SORCS2: variants seen among roughly 807,000 people sequenced by gnomAD.
SORCS2 encodes the protein sortilin related VPS10 domain containing receptor 2.
In SORCS2, 100 loss-of-function variants were observed where a neutral mutation model predicts 141.6. That is an observed-to-expected ratio of 0.71 (90% CI 0.60 to 0.83). The LOEUF is 0.83. Among genes scored for constraint, SORCS2 ranks in the 40% least tolerant of loss-of-function variants. The pLI is 0.00. For missense variants in SORCS2, 1,646 were observed against 1,560.2 expected (o/e 1.05, Z -0.93); for synonymous variants, 789 against 676.9 (o/e 1.17, Z -2.57).
At position 7,434,688 on chromosome 4, in the gene SORCS2, G is replaced by A. The variant is rs202190989; in HGVS notation, c.548+38333G>A. On this transcript the variant is annotated intron_variant, in intron 2 of 26. Transcript: ENST00000507866. ...CGGCTGCTATGTCCTGGCATACGTC[G>A]CAGGGCAGAGACTTCGCGGTGGGTT... 1.6e-3 allele frequency: 2,635 copies of A among 1,612,774 alleles called. 3 individuals carry two copies. Among genetic ancestry groups the A allele is most frequent in the Non-Finnish European group, 2.0e-3 (2,378 of 1,179,492 alleles).
At chr4:7,229,870 G>A (rs1210437294) in intron 1 of SORCS2, among the ~76,000 whole-genome samples, 3 of 150,084 alleles carry the variant, frequency 2.0e-5, no homozygotes, top group African/African-American at 7.5e-5. Context: ...GAGTGTCTGG[G>A]CAGGAGCAGT....
At chr4:7,484,946 T>G (rs1360857406) in intron 2 of SORCS2, among the ~76,000 whole-genome samples, 1 of 122,196 alleles carries the variant, frequency 8.2e-6, no homozygotes, top group Non-Finnish European at 1.7e-5. Flanking sequence ...TTTCATTTAT[T>G]TGCACCCCTG....
intron 2 of SORCS2, among the ~76,000 whole-genome samples, chr4:7,468,340 C>G (rs900434046): frequency 1.3e-5 from 2 of 152,242 alleles, no homozygotes; most frequent in Admixed American, 6.5e-5. Flanking sequence ...GTATGCATGG[C>G]TGTCACTCAG....
At chr4:7,638,209 A>T in intron 3 of SORCS2, 119 bp from the exon 4 acceptor site, 1 of 1,284,742 alleles carries the variant, frequency 7.8e-7, no homozygotes, top group Non-Finnish European at 1.1e-6. Context: ...CCCAGGCCTC[A>T]CAACCCCCTT....
intron 1 of SORCS2, among the ~76,000 whole-genome samples, chr4:7,291,893 G>T (rs983764001): frequency 2.0e-5 from 3 of 152,216 alleles, no homozygotes; most frequent in South Asian, 2.1e-4. Context: ...AGTGGGACAA[G>T]CCCCTCAACC....
intron 2 of SORCS2, among the ~76,000 whole-genome samples, chr4:7,471,250 G>A (rs1021565053): frequency 6.6e-6 from 1 of 152,216 alleles, no homozygotes; most frequent in Admixed American, 6.5e-5. Context: ...CCTGCCTCGC[G>A]CAATGCCATC....
In SORCS2 at chr4:7,729,642, C is replaced by G; in HGVS notation, c.3038C>G (p.Thr1013Ser). Residue 1013 changes from threonine (T) to serine (S), a missense_variant, in exon 23 of 27, where the codon ACT becomes AGT. Transcript: ENST00000507866. Reference protein sequence around the residue: ...LVTVVKPGLPTLADLYVLLPP... With the variant: ...LVTVVKPGLPSLADLYVLLPP... ...ACTGTGGTGAAGCCGGGGCTGCCCA[C>G]TTTGGCCGATCTGTACGTGCTCCTG... The G allele has an allele frequency of 6.2e-7, 1 of 1,601,652 alleles. No individual in the cohort carries two copies. The highest frequency in any genetic ancestry group is 8.5e-7 in the Non-Finnish European group (1 of 1,174,350).
At chr4:7,464,144 T>C (rs1399652811) in intron 2 of SORCS2, among the ~76,000 whole-genome samples, 2 of 152,132 alleles carry the variant, frequency 1.3e-5, no homozygotes, top group Non-Finnish European at 2.9e-5. Context: ...AACTTTCCAC[T>C]GTAGAGGAAC....
At chr4:7,198,041 G>A (rs1577264985) in intron 1 of SORCS2, among the ~76,000 whole-genome samples, 1 of 152,338 alleles carries the variant, frequency 6.6e-6, no homozygotes, top group East Asian at 1.9e-4. Flanking sequence ...CAGCCCTGGA[G>A]GCACTGTGGG....
At chr4:7,503,181 G>A (rs889180164) in intron 2 of SORCS2, among the ~76,000 whole-genome samples, 9 of 152,090 alleles carry the variant, frequency 5.9e-5, no homozygotes, top group African/African-American at 2.2e-4. Context: ...CCCCAAACAT[G>A]GAAAATTCTC....
chr4:7,727,363 C>T (rs1205616740), intron 21 of SORCS2, among the ~76,000 whole-genome samples: 2 of 152,218 alleles, frequency 1.3e-5, no homozygotes, highest in African/African-American at 4.8e-5. Flanking sequence ...TCTGTGCTCA[C>T]TGGGGGCTCT....
chr4:7,706,485 A>AGATGAGGCTGGGCTCCACCTGGGCAGG (rs1560499051), intron 14 of SORCS2, among the ~76,000 whole-genome samples: 1 of 30,576 alleles, frequency 3.3e-5, no homozygotes, highest in African/African-American at 1.3e-4. Context: ...GCCTGGACAG[A>AGATGAGGCTGGGCTCCACCTGGGCAGG]GATGAGGCTG....
chr4:7,609,290 T>C (rs1031391175), intron 3 of SORCS2, among the ~76,000 whole-genome samples: 1 of 152,234 alleles, frequency 6.6e-6, no homozygotes, highest in East Asian at 1.9e-4. Flanking sequence ...AATCTTTCAG[T>C]GCCTTACATA....
intron 1 of SORCS2, among the ~76,000 whole-genome samples, chr4:7,224,630 A>G (rs1201857280): frequency 6.6e-6 from 1 of 152,214 alleles, no homozygotes; most frequent in African/African-American, 2.4e-5. Context: ...GCACTAAACC[A>G]TTCATGAGAA....
intron 8 of SORCS2, among the ~76,000 whole-genome samples, chr4:7,674,709 C>T (rs1013034049): frequency 3.9e-5 from 6 of 152,008 alleles, no homozygotes; most frequent in Admixed American, 2.0e-4. Flanking sequence ...GAGTCCAGCC[C>T]GACCCTGAGC....
intron 1 of SORCS2, among the ~76,000 whole-genome samples, chr4:7,370,666 CG>C (rs1722192188): frequency 6.6e-6 from 1 of 152,198 alleles, no homozygotes; most frequent in South Asian, 2.1e-4. Flanking sequence ...CTGCCGGTGG[CG>C]GGGTGCTATC....
intron 1 of SORCS2, among the ~76,000 whole-genome samples, chr4:7,359,793 T>G (rs1721471755): frequency 6.6e-6 from 1 of 152,222 alleles, no homozygotes; most frequent in African/African-American, 2.4e-5. Flanking sequence ...CACTTTAACC[T>G]GAAGAATACA....
intron 3 of SORCS2, among the ~76,000 whole-genome samples, chr4:7,602,794 A>G (rs1717815511): frequency 6.6e-6 from 1 of 152,146 alleles, no homozygotes; most frequent in South Asian, 2.1e-4. Flanking sequence ...GCACTTTGGG[A>G]GGCCAAGGCA....
chr4:7,313,757 C>A (rs531249104), intron 1 of SORCS2, among the ~76,000 whole-genome samples: 10 of 152,154 alleles, frequency 6.6e-5, no homozygotes, highest in South Asian at 4.1e-4. Flanking sequence ...TGTTCAGAGA[C>A]GGGCTGGATG....
Sources: allele counts gnomAD v4.1 joint callset (sites outside exome capture counted in the v4.1 genomes callset), GRCh38; gene constraint gnomAD v4.1.1; transcripts MANE v1.5; gene names NCBI Gene and HGNC (gene_info 2026-07-23, HGNC 2026-07-21).